The following GLI3 variants were observed in gnomAD, a reference collection of about 807,000 sequenced individuals.
GLI3 encodes transcription activator GLI3.
GLI3 carries 20 observed loss-of-function variants against 100.8 expected under a neutral mutation model. That is an observed-to-expected ratio of 0.20 (90% CI 0.14 to 0.29). The LOEUF (loss-of-function observed/expected upper bound fraction) is 0.29. GLI3 is among the 10% of genes least tolerant of loss of function. GLI3 has a pLI of 1.00. For missense variants in GLI3, 2,040 were observed against 2,128.5 expected, an observed-to-expected ratio of 0.96 and a Z score of 0.82; for synonymous variants, 938 against 860.5, an observed-to-expected ratio of 1.09 and a Z score of -1.58.
At chr7:42,029,926 C>A (rs1412492373) in intron 7 of GLI3, among the ~76,000 whole-genome samples, 1 of 152,156 alleles carries the variant, frequency 6.6e-6, no homozygotes, top group Non-Finnish European at 1.5e-5. Context: ...GTGTGCCTGG[C>A]AGAGCAGACA....
chr7:42,090,416 T>C (rs1583548122), intron 3 of GLI3, among the ~76,000 whole-genome samples: 2 of 152,250 alleles, frequency 1.3e-5, no homozygotes, highest in South Asian at 4.1e-4. Context: ...GTCTTACATG[T>C]GGTCAGTCCT....
At chr7:41,968,069 T>C in intron 13 of GLI3, 146 bp from the exon 14 acceptor site, 1 of 747,292 alleles carries the variant, frequency 1.3e-6, no homozygotes, top group Non-Finnish European at 2.4e-6. Context: ...TGAATGGAGC[T>C]GGCCACTTTT....
Position 42,048,666 on chromosome 7 carries a change from A to G in GLI3, c.504T>C (p.Tyr168=). The change falls in exon 5 of 15, where the codon TAT becomes TAC. Residue 168 remains tyrosine, a synonymous_variant. Transcript: ENST00000395925. ...MTSALSSSPT[Y]PDLPFIRISP... is the part of the protein sequence containing the mutation. ...AGATCCTAATGAAGGGCAGGTCCGG[A>G]TACGTAGGGCTACTAGATAAGGCGG... is the stretch of plus-strand genomic sequence containing the variant. 6.2e-7 allele frequency: 1 copy of G among 1,610,354 alleles called. No homozygotes were observed. The highest frequency in any genetic ancestry group is 8.5e-7 in the Non-Finnish European group (1 of 1,179,280).
Position 41,961,091 on chromosome 7 carries a change from C to G in GLI3, c.*3239G>C, listed in dbSNP as rs962163924. ...CCTGGGCTTGAGGTGGGCGTGATCA[C>G]GGGGAATGCAGGCTTGTCCGAGGAA... On this transcript the variant is annotated 3_prime_UTR_variant, in exon 15 of 15. Coordinates refer to ENST00000395925, the MANE Select transcript of GLI3 (RefSeq NM_000168.6). The G allele has an allele frequency of 6.6e-6, 1 of 152,440 alleles. No individual in the cohort carries two copies. The highest frequency in any genetic ancestry group is 1.5e-5 in the Non-Finnish European group (1 of 68,020). The allele number at this position is 152,440 out of a possible 1,614,324, so 9.4% of individuals were successfully genotyped here. A position where few individuals can be genotyped will look rare whatever the true frequency, so the allele number is the denominator to read the frequency against.
intron 10 of GLI3, among the ~76,000 whole-genome samples, chr7:42,009,523 T>C (rs1042328676): frequency 4.7e-5 from 7 of 149,570 alleles, no homozygotes; most frequent in Non-Finnish European, 7.4e-5. Context: ...AAATTTCTGA[T>C]ATTGGTTCAT....
intron 13 of GLI3, among the ~76,000 whole-genome samples, chr7:41,969,540 C>T (rs1051142590): frequency 1.3e-5 from 2 of 152,170 alleles, no homozygotes; most frequent in African/African-American, 2.4e-5. Flanking sequence ...CAAATTTGAT[C>T]GTGAGTATGT....
intron 1 of GLI3, among the ~76,000 whole-genome samples, chr7:42,259,655 C>G (rs1789119819): frequency 6.6e-6 from 1 of 152,066 alleles, no homozygotes; most frequent in African/African-American, 2.4e-5. Context: ...TTATTTGTGA[C>G]CCCTCGTGCA....
At chr7:42,167,387 T>C (rs1319460461) in intron 2 of GLI3, among the ~76,000 whole-genome samples, 1 of 152,206 alleles carries the variant, frequency 6.6e-6, no homozygotes, top group Non-Finnish European at 1.5e-5. Context: ...GGTTAATATT[T>C]AGCCCATGCA....
chr7:42,248,085 T>C (rs1261912267), intron 1 of GLI3, among the ~76,000 whole-genome samples: 1 of 152,218 alleles, frequency 6.6e-6, no homozygotes, highest in African/African-American at 2.4e-5. Flanking sequence ...ATTCCTATTA[T>C]CAATTACAAG....
At chr7:42,113,561 G>GA in intron 3 of GLI3, 1 of 1,152,868 alleles carries the variant, frequency 8.7e-7, no homozygotes. Flanking sequence ...TAACCCTACA[G>GA]AAAATGGAGT....
chr7:42,049,848 T>C (rs1160200890), intron 4 of GLI3, among the ~76,000 whole-genome samples: 1 of 152,082 alleles, frequency 6.6e-6, no homozygotes, highest in African/African-American at 2.4e-5. Flanking sequence ...GGTGCGGCCA[T>C]AGGAAGGGGA....
Position 42,223,178 on chromosome 7 carries a change from G to A in GLI3, c.76C>T (p.Arg26Ter), listed in dbSNP as rs201778054. ...VENSIVKCSTRTDVSEKAVAS... is the reference protein window; with the variant it reads ...VENSIVKCST ...ACGGCTTTCTCGCTCACATCTGTTC[G>A]AGTGGAGCACTTCACTATGGAATTC... Residue 26 changes from arginine to a stop codon, truncating the protein, a stop_gained, in exon 2 of 15, where the codon CGA (arginine) becomes TGA (stop). Transcript: ENST00000395925. LOFTEE classifies it high-confidence loss of function. The A allele has an allele frequency of 6.2e-7, 1 of 1,613,904 alleles. No individual in the cohort carries two copies. The highest frequency in any genetic ancestry group is 1.1e-5 in the South Asian group (1 of 91,062).
At chr7:42,224,837 T>G (rs977441578) in intron 1 of GLI3, among the ~76,000 whole-genome samples, 5 of 152,242 alleles carry the variant, frequency 3.3e-5, no homozygotes, top group African/African-American at 1.2e-4. Flanking sequence ...AACCTGTTGC[T>G]GAGCCTCAGT....
chr7:42,151,471 G>A (rs1199909318), intron 2 of GLI3: 1 of 152,212 alleles, frequency 6.6e-6, no homozygotes, highest in Non-Finnish European at 1.5e-5. Context: ...TTGAGAGTCA[G>A]TGCAGACAGG....
intron 3 of GLI3, among the ~76,000 whole-genome samples, chr7:42,136,671 C>T (rs1164701467): frequency 6.6e-6 from 1 of 152,240 alleles, no homozygotes; most frequent in Non-Finnish European, 1.5e-5. Context: ...TACAACCCAA[C>T]ACCTGGAGCA....
chr7:42,167,008 G>A (rs1167710036), intron 2 of GLI3, among the ~76,000 whole-genome samples: 1 of 151,980 alleles, frequency 6.6e-6, no homozygotes, highest in East Asian at 1.9e-4. Flanking sequence ...GTAATTTCTA[G>A]TAGAGACCGG....
At chr7:42,030,676 A>ATTATTACTATT (rs1398055713) in intron 7 of GLI3, among the ~76,000 whole-genome samples, 2 of 151,080 alleles carry the variant, frequency 1.3e-5, no homozygotes, top group Non-Finnish European at 1.5e-5. Context: ...ACAAATAGAA[A>ATTATTACTATT]TTATTACTAT....
At chr7:42,160,939 C>G (rs560244658) in intron 2 of GLI3, among the ~76,000 whole-genome samples, 4 of 152,182 alleles carry the variant, frequency 2.6e-5, no homozygotes, top group Non-Finnish European at 5.9e-5. Context: ...ACTTCTTCAA[C>G]GTATCTCTGG....
intron 10 of GLI3, among the ~76,000 whole-genome samples, chr7:41,998,582 T>A (rs1788197867): frequency 6.6e-6 from 1 of 152,178 alleles, no homozygotes; most frequent in African/African-American, 2.4e-5. Flanking sequence ...AAGTACAAAA[T>A]CCATTACTCC....
Sources: allele counts gnomAD v4.1 joint callset (sites outside exome capture counted in the v4.1 genomes callset), GRCh38; gene constraint gnomAD v4.1.1; transcripts MANE v1.5; gene names NCBI Gene and HGNC (gene_info 2026-07-23, HGNC 2026-07-21).